Variants in PLXNA4 observed in about 807,000 individuals in gnomAD.
PLXNA4 encodes plexin A4, also known as plexin-A4.
PLXNA4 carries 44 observed loss-of-function variants against 191.8 expected under a neutral mutation model. The observed-to-expected ratio is 0.23, with a 90% CI of 0.18 to 0.29. The LOEUF is 0.29. Among genes scored for constraint, PLXNA4 ranks in the 10% least tolerant of loss-of-function variants. PLXNA4 has a pLI of 1.00. For missense variants in PLXNA4, 1,800 were observed against 2,488.8 expected, an observed-to-expected ratio of 0.72 and a Z score of 5.89; for synonymous variants, 1,082 against 1,009.5, an observed-to-expected ratio of 1.07 and a Z score of -1.36.
intron 14 of PLXNA4, among the ~76,000 whole-genome samples, chr7:132,187,897 C>A (rs145097850): frequency 7.8e-4 from 119 of 152,074 alleles, no homozygotes; most frequent in African/African-American, 2.7e-3. Flanking sequence ...GTGTATATAT[C>A]CCTATATACA....
chr7:132,236,854 C>T (rs542601788), intron 5 of PLXNA4, among the ~76,000 whole-genome samples: 3 of 152,284 alleles, frequency 2.0e-5, no homozygotes, highest in East Asian at 3.9e-4. Flanking sequence ...GAACTGCCAG[C>T]CCCCAGCCTT....
At chr7:132,322,159 C>G (rs1352462319) in intron 3 of PLXNA4, among the ~76,000 whole-genome samples, 1 of 145,040 alleles carries the variant, frequency 6.9e-6, no homozygotes, top group Non-Finnish European at 1.5e-5. Context: ...TAGACCAAGG[C>G]TAGAGTTCAA....
chr7:132,621,406 G>A (rs972001239), intron 2 of PLXNA4, among the ~76,000 whole-genome samples: 8 of 151,834 alleles, frequency 5.3e-5, no homozygotes, highest in East Asian at 1.9e-4. Flanking sequence ...GACTACAGGC[G>A]CATGCCACCA....
intron 3 of PLXNA4, among the ~76,000 whole-genome samples, chr7:132,337,416 C>T (rs768171801): frequency 2.0e-5 from 3 of 152,332 alleles, no homozygotes; most frequent in African/African-American, 4.8e-5. Context: ...GCTAAAACAG[C>T]GCACATATAC....
At chr7:132,250,715 G>C (rs939473323) in intron 4 of PLXNA4, among the ~76,000 whole-genome samples, 3 of 152,214 alleles carry the variant, frequency 2.0e-5, no homozygotes, top group Admixed American at 6.5e-5. Context: ...GATGAGAGGA[G>C]TGTTCTGGCA....
intron 2 of PLXNA4, among the ~76,000 whole-genome samples, chr7:132,489,693 C>A (rs750895067): frequency 2.0e-5 from 3 of 152,084 alleles, no homozygotes; most frequent in Non-Finnish European, 4.4e-5. Flanking sequence ...AACACAGGTC[C>A]GCAGGTCTCC....
intron 3 of PLXNA4, among the ~76,000 whole-genome samples, chr7:132,326,299 C>T (rs1802354610): frequency 6.6e-6 from 1 of 152,192 alleles, no homozygotes; most frequent in South Asian, 2.1e-4. Context: ...GGGAACTTCC[C>T]AGCCTCCATA....
chr7:132,150,312 T>C (rs1795558835), intron 25 of PLXNA4, among the ~76,000 whole-genome samples: 1 of 152,226 alleles, frequency 6.6e-6, no homozygotes, highest in South Asian at 2.1e-4. Flanking sequence ...TATGGAGGTA[T>C]GCATGCATGC....
intron 2 of PLXNA4, among the ~76,000 whole-genome samples, chr7:132,496,095 G>A (rs1798001664): frequency 6.6e-6 from 1 of 152,228 alleles, no homozygotes; most frequent in Non-Finnish European, 1.5e-5. Flanking sequence ...ATGTGCCTGG[G>A]GGAGTCCAGA....
At chr7:132,151,631 G>A (rs2116597468) in intron 25 of PLXNA4, among the ~76,000 whole-genome samples, 1 of 151,728 alleles carries the variant, frequency 6.6e-6, no homozygotes, top group Non-Finnish European at 1.5e-5. Flanking sequence ...GGAAGGAGAG[G>A]AAGGAGAGGA....
intron 3 of PLXNA4, among the ~76,000 whole-genome samples, chr7:132,399,755 C>T (rs1436699838): frequency 6.6e-6 from 1 of 152,162 alleles, no homozygotes; most frequent in Non-Finnish European, 1.5e-5. Flanking sequence ...AGGTTTTATT[C>T]CTGATGAAAG....
chr7:132,639,453 A>C (rs903960458), intron 2 of PLXNA4, among the ~76,000 whole-genome samples: 18 of 152,332 alleles, frequency 1.2e-4, no homozygotes, highest in African/African-American at 3.8e-4. Context: ...AAGAAAAAGC[A>C]AGAATTCAGG....
At chr7:132,385,070 A>G in intron 3 of PLXNA4, 5 of 1,519,042 alleles carry the variant, frequency 3.3e-6, no homozygotes, top group Non-Finnish European at 4.4e-6. Context: ...GTGGCAGGAC[A>G]TGAGCTATGA....
chr7:132,307,655 C>A (rs1312181724), intron 3 of PLXNA4, among the ~76,000 whole-genome samples: 1 of 152,098 alleles, frequency 6.6e-6, no homozygotes, highest in African/African-American at 2.4e-5. Flanking sequence ...CCGGTAGGTG[C>A]CCTGTTTCGC....
chr7:132,619,992 T>C (rs1425232934), intron 2 of PLXNA4, among the ~76,000 whole-genome samples: 2 of 152,094 alleles, frequency 1.3e-5, no homozygotes, highest in African/African-American at 4.8e-5. Flanking sequence ...TTAGTAGAGA[T>C]GGGGTTTCAC....
Position 132,567,646 on chromosome 7 carries a change from A to G in PLXNA4, c.-87+8776T>C, listed in dbSNP as rs147455304. On this transcript the variant is annotated intron_variant, in intron 1 of 31. Transcript: ENST00000321063. The stretch of plus-strand genomic sequence containing the variant: ...TTTATTCCTTCTATTTTTACAGCAA[A>G]TATTTATCAATTGCTTCCAGTAAGA... Among the ~76,000 whole-genome samples the G allele has an allele frequency of 4.4e-3, 676 of 152,230 alleles. 2 individuals are homozygous for G. The highest frequency in any genetic ancestry group is 0.015 in the African/African-American group (634 of 41,516).
At chr7:132,177,363 T>TTGCTGTGAAGTCTTCAAGGAG (rs1230947448) in intron 20 of PLXNA4, among the ~76,000 whole-genome samples, 1 of 152,190 alleles carries the variant, frequency 6.6e-6, no homozygotes, top group Non-Finnish European at 1.5e-5. Flanking sequence ...ACGTCCTGGC[T>TTGCTGTGAAGTCTTCAAGGAG]TGCTGTGAAG....
chr7:132,379,025 AT>A (rs1310095150), intron 3 of PLXNA4, among the ~76,000 whole-genome samples: 1 of 151,790 alleles, frequency 6.6e-6, no homozygotes, highest in African/African-American at 2.4e-5. Flanking sequence ...TAATTTTTAT[AT>A]TTTTTATGGA....
At chr7:132,613,935 A>G (rs1210199951) in intron 2 of PLXNA4, among the ~76,000 whole-genome samples, 1 of 152,220 alleles carries the variant, frequency 6.6e-6, no homozygotes, top group Non-Finnish European at 1.5e-5. Context: ...AAAGGGCAAC[A>G]TTGGAAGGAG....
Sources: gnomAD v4.1 joint callset for allele counts (sites outside exome capture counted in the v4.1 genomes callset) on GRCh38, gnomAD v4.1.1 for gene constraint, MANE v1.5 for transcripts, NCBI Gene and HGNC (gene_info 2026-07-23, HGNC 2026-07-21) for gene names.